COLEC12: variants seen among roughly 807,000 people sequenced by gnomAD.
COLEC12 encodes the protein collectin-12.
A neutral mutation model predicts 71.1 loss-of-function variants in COLEC12; 33 were observed. The ratio of observed to expected loss-of-function variants is 0.46; its 90% CI spans 0.35 to 0.62. The LOEUF is 0.62. Among genes scored for constraint, COLEC12 ranks in the 20% least tolerant of loss-of-function variants. The pLI, the probability that COLEC12 is intolerant of heterozygous loss-of-function variation, is 0.00. For missense variants in COLEC12, 765 were observed against 916.1 expected (o/e 0.84, Z 2.13); for synonymous variants, 350 against 353.0 (o/e 0.99, Z 0.10).
In COLEC12 at chr18:334,720, T is replaced by C. The variant is rs202147847; in HGVS notation, c.1816+22A>G. 1.3e-4 allele frequency: 195 copies of C among 1,454,832 alleles called. 2 individuals carry two copies. In the East Asian group the frequency reaches 5.1e-3, roughly 38 times the overall value. 90.1% of individuals were successfully genotyped at this position (1,454,832 alleles called of 1,614,324 possible). A position where few individuals can be genotyped will look rare whatever the true frequency, so the allele number is the denominator to read the frequency against. On this transcript the variant is annotated intron_variant, in intron 6 of 9. Coordinates refer to ENST00000400256, the MANE Select transcript of COLEC12 (RefSeq NM_130386.3). ...ACATGCACTGCCCTGTCCCCCTGGC[T>C]GGAGGGAGGGCTTGGACTTACCATT...
intron 1 of COLEC12, among the ~76,000 whole-genome samples, chr18:489,097 AG>A (rs1480960523): frequency 3.3e-5 from 5 of 152,228 alleles, no homozygotes; most frequent in Non-Finnish European, 5.9e-5. Context: ...ATAAAATTTC[AG>A]AACACTGAAG....
intron 2 of COLEC12, among the ~76,000 whole-genome samples, chr18:443,979 G>A (rs545922862): frequency 3.9e-5 from 6 of 152,190 alleles, no homozygotes; most frequent in African/African-American, 7.2e-5. Context: ...TGCCATGATC[G>A]TAAAAGCTCC....
At chr18:376,672 T>C (rs1334096305) in intron 2 of COLEC12, among the ~76,000 whole-genome samples, 1 of 152,186 alleles carries the variant, frequency 6.6e-6, no homozygotes, top group Non-Finnish European at 1.5e-5. Context: ...GACACGAGTT[T>C]CTAGAGCAGA....
In COLEC12 at chr18:327,982, G is replaced by A. The variant is rs558677855; in HGVS notation, c.2063+3686C>T. Among the ~76,000 whole-genome samples the A allele has an allele frequency of 6.6e-6, 1 of 152,180 alleles. No homozygotes were observed. The highest frequency in any genetic ancestry group is 1.9e-4 in the East Asian group (1 of 5,172). On this transcript the variant is annotated intron_variant, in intron 8 of 9. Coordinates refer to ENST00000400256, the MANE Select transcript of COLEC12 (RefSeq NM_130386.3). The surrounding 1 kb of genome is among the most constrained non-coding windows in gnomAD (Gnocchi z 4.0). ...AATCTCCTTCTTTGTTATTAGGCTG[G>A]CCAGGCTATTTCTTCCTTTTTTTTT...
Position 341,148 on chromosome 18 carries a change from C to T in COLEC12, c.1327+5147G>A, listed in dbSNP as rs141796239. 7.1e-3 allele frequency among the ~76,000 whole-genome samples: 1,075 copies of T among 152,286 alleles called. 12 individuals are homozygous for T. The highest frequency in any genetic ancestry group is 8.1e-3 in the Non-Finnish European group (553 of 68,020). On this transcript the variant is annotated intron_variant, in intron 5 of 9. Coordinates refer to ENST00000400256, the MANE Select transcript of COLEC12 (RefSeq NM_130386.3). Reference sequence around the variant, plus strand: ...TGTCAATCCCTATTGAAACTTTAACCAATTGCTCTGCTGTCAGTAAACTCT... The same window carrying T: ...TGTCAATCCCTATTGAAACTTTAACTAATTGCTCTGCTGTCAGTAAACTCT...
At chr18:394,289 T>C (rs1212959539) in intron 2 of COLEC12, among the ~76,000 whole-genome samples, 1 of 152,224 alleles carries the variant, frequency 6.6e-6, no homozygotes, top group Admixed American at 6.5e-5. Context: ...AGTGTGGGTG[T>C]AAACACACAT....
chr18:453,339 G>A (rs965238063), intron 2 of COLEC12, among the ~76,000 whole-genome samples: 1 of 152,172 alleles, frequency 6.6e-6, no homozygotes, highest in Admixed American at 6.5e-5. Flanking sequence ...AGAAGGAAGA[G>A]AGAAGAGAAA....
At chr18:459,814 A>G (rs2143731393) in intron 2 of COLEC12, among the ~76,000 whole-genome samples, 1 of 152,380 alleles carries the variant, frequency 6.6e-6, no homozygotes, top group African/African-American at 2.4e-5. Flanking sequence ...GATTGCTCAT[A>G]CGGTTAACCC....
intron 3 of COLEC12, among the ~76,000 whole-genome samples, chr18:356,559 T>A (rs531762771): frequency 3.0e-4 from 45 of 152,322 alleles, no homozygotes; most frequent in Admixed American, 1.2e-3. Context: ...TGGGTCAGTC[T>A]GTGGGCCACA....
At chr18:409,266 C>A (rs1278542345) in intron 2 of COLEC12, among the ~76,000 whole-genome samples, 2 of 152,252 alleles carry the variant, frequency 1.3e-5, no homozygotes, top group Non-Finnish European at 2.9e-5. Flanking sequence ...CTAGGCCGGG[C>A]GTGGTGGCTC....
chr18:499,062 T>C (rs187713892), intron 1 of COLEC12, among the ~76,000 whole-genome samples: 3 of 152,314 alleles, frequency 2.0e-5, no homozygotes, highest in Admixed American at 6.5e-5. Context: ...CTGGCTAAAA[T>C]GATAACTGAG....
At position 456,917 on chromosome 18, in the gene COLEC12, G is replaced by A. The variant is rs369762693; in HGVS notation, c.58+23790C>T. Among the ~76,000 whole-genome samples the A allele has an allele frequency of 3.9e-5, 6 of 152,294 alleles. No individual in the cohort carries two copies. The East Asian group carries it at 9.6e-4, about 24-fold the overall frequency. ...ATGCCTATATACCTGAGGACCCTGA[G>A]CCCCGTACTCTGTCTCCTTGGTGAA... On this transcript the variant is annotated intron_variant, in intron 2 of 9. Transcript: ENST00000400256.
intron 3 of COLEC12, among the ~76,000 whole-genome samples, chr18:349,362 A>G (rs61388731): frequency 0.18 from 26,771 of 152,200 alleles, 2,840 homozygotes; most frequent in African/African-American, 0.29. Context: ...GTGCACAGAA[A>G]TCAATAATTG....
intron 3 of COLEC12, among the ~76,000 whole-genome samples, chr18:355,467 A>G (rs1336825130): frequency 6.6e-6 from 1 of 152,180 alleles, no homozygotes; most frequent in East Asian, 1.9e-4. Context: ...ATAAAAAGGG[A>G]GGAAATATCT....
intron 2 of COLEC12, among the ~76,000 whole-genome samples, chr18:394,677 A>T (rs752034400): frequency 4.6e-5 from 7 of 152,236 alleles, no homozygotes; most frequent in Non-Finnish European, 8.8e-5. Flanking sequence ...AGGACCACTG[A>T]GTCCAATATC....
At chr18:449,020 G>A (rs576862240) in intron 2 of COLEC12, among the ~76,000 whole-genome samples, 5 of 151,948 alleles carry the variant, frequency 3.3e-5, no homozygotes, top group Middle Eastern at 3.4e-3. Flanking sequence ...CGGGGAAAGG[G>A]GAATAAATAC....
intron 2 of COLEC12, among the ~76,000 whole-genome samples, chr18:424,832 TTG>T (rs1916167081): frequency 6.6e-6 from 1 of 152,170 alleles, no homozygotes; most frequent in Non-Finnish European, 1.5e-5. Context: ...AGGCTCTGCC[TTG>T]GAGAGCTCAG....
intron 3 of COLEC12, among the ~76,000 whole-genome samples, chr18:349,860 T>C (rs1914470369): frequency 6.6e-6 from 1 of 152,222 alleles, no homozygotes; most frequent in Admixed American, 6.5e-5. Flanking sequence ...ATTTCTCCCA[T>C]TTGGAAAGGC....
At chr18:491,406 C>T (rs1675094845) in intron 1 of COLEC12, among the ~76,000 whole-genome samples, 1 of 152,202 alleles carries the variant, frequency 6.6e-6, no homozygotes, top group South Asian at 2.1e-4. Flanking sequence ...CTTGTAATAG[C>T]AATAAGCTCA....
Sources: allele counts gnomAD v4.1 joint callset (sites outside exome capture counted in the v4.1 genomes callset), GRCh38; gene constraint gnomAD v4.1.1; non-coding constraint Gnocchi (gnomAD v3.1); transcripts MANE v1.5; gene names NCBI Gene and HGNC (gene_info 2026-07-23, HGNC 2026-07-21).